Variants in KRT8 observed in about 807,000 individuals in gnomAD.
The protein encoded by KRT8 is keratin 8, also known as keratin, type II cytoskeletal 8.
In KRT8, 24 loss-of-function variants were observed where a neutral mutation model predicts 43.0. The ratio of observed to expected loss-of-function variants is 0.56; its 90% CI spans 0.40 to 0.78. The LOEUF (loss-of-function observed/expected upper bound fraction) is 0.78, where lower values mean the gene tolerates loss of function less well. Among genes scored for constraint, KRT8 ranks in the 30% least tolerant of loss-of-function variants. KRT8 has a pLI of 0.00. For missense variants in KRT8, 492 were observed against 638.4 expected, an observed-to-expected ratio of 0.77 and a Z score of 2.47; for synonymous variants, 214 against 261.2, an observed-to-expected ratio of 0.82 and a Z score of 1.74.
exon 2 of KRT8, chr12:52,902,045 T>A (rs1044439462): frequency 1.0e-5 from 16 of 1,602,618 alleles, no homozygotes; most frequent in Non-Finnish European, 1.4e-5. Context: ...GTCTCCAGCA[T>A]CTTGTTCTGC....
At chr12:52,900,752 G>T (rs918682056) in intron 3 of KRT8, 69 bp from the exon 4 acceptor site, 15 of 1,083,190 alleles carry the variant, frequency 1.4e-5, no homozygotes, top group Admixed American at 3.4e-5. Context: ...GGCTCCCAAG[G>T]TCCACCCAAT....
chr12:52,904,815 C>T (rs1260986065), exon 1 of KRT8: 1 of 1,612,392 alleles, frequency 6.2e-7, no homozygotes, highest in Non-Finnish European at 8.5e-7. Context: ...GCCGCTGGCC[C>T]CACCATAGCC....
At chr12:52,939,529 T>G (rs190876832) in intron 2 of KRT8, among the ~76,000 whole-genome samples, 6 of 151,310 alleles carry the variant, frequency 4.0e-5, no homozygotes, top group African/African-American at 7.3e-5. Flanking sequence ...GAGACCGGCC[T>G]GGCCAACACG....
chr12:52,906,584 G>T, upstream of KRT8: 1 of 417,752 alleles, frequency 2.4e-6, no homozygotes, highest in Admixed American at 2.5e-5. Flanking sequence ...GGCCAGGCAG[G>T]GCATGCTGTG....
chr12:52,904,826 G>A (rs773694112), exon 1 of KRT8: 1 of 1,612,418 alleles, frequency 6.2e-7, no homozygotes, highest in South Asian at 1.1e-5. Flanking sequence ...CACCATAGCC[G>A]CCGCCCAGGC....
chr12:52,899,930 C>T, exon 5 of KRT8: 1 of 1,613,298 alleles, frequency 6.2e-7, no homozygotes, highest in Non-Finnish European at 8.5e-7. Flanking sequence ...TCAGCCTCAG[C>T]CCGGCTGCGG....
chr12:52,921,368 C>A lies in KRT8; in HGVS notation c.-46-16341G>T, dbSNP rs545864385. ...GGAAAGCCTCTCTGAGGGAGAGGAC[C>A]AGTACTTCTTGCTCACAATTGTCCA... On this transcript the variant is annotated intron_variant, in intron 2 of 6. Transcript: ENST00000546826. Among the ~76,000 whole-genome samples the A allele has an allele frequency of 4.5e-4, 69 of 152,268 alleles. No homozygotes were observed. In the South Asian group the frequency reaches 9.7e-3, roughly 22 times the overall value.
intron 2 of KRT8, chr12:52,948,905 G>A: frequency 2.3e-6 from 1 of 436,472 alleles, no homozygotes; most frequent in Non-Finnish European, 3.9e-6. Flanking sequence ...TGCTGTCCGT[G>A]TCCATGCCCG....
At chr12:52,944,468 C>T (rs1162715603) in intron 2 of KRT8, among the ~76,000 whole-genome samples, 3 of 152,138 alleles carry the variant, frequency 2.0e-5, no homozygotes, top group African/African-American at 4.8e-5. Flanking sequence ...TTGAGTGAGG[C>T]GATAGGCTGG....
At chr12:52,914,063 TAATATAAA>T (rs1242609151) in intron 2 of KRT8, among the ~76,000 whole-genome samples, 1 of 148,308 alleles carries the variant, frequency 6.7e-6, no homozygotes, top group East Asian at 2.0e-4. Context: ...TCTCTACTAA[TAATATAAA>T]AATTAGCTGG....
rs542314155 is a variant in KRT8 at position 52,933,240 on chromosome 12, C to T, written c.-47+16216G>A. On this transcript the variant is annotated intron_variant, in intron 2 of 6. Coordinates refer to the KRT8 transcript ENST00000546826. ...GGATTACAGGTGTAAGCCACCATGC[C>T]GGCCTCACAAAATTACGTTTCTATA... Among the ~76,000 whole-genome samples, 200 of 152,262 alleles carry T rather than the reference C, an allele frequency of 1.3e-3. 1 individual carries two copies. The highest frequency in any genetic ancestry group is 2.4e-3 in the Non-Finnish European group (162 of 68,022).
chr12:52,942,030 C>T (rs1942276417), intron 2 of KRT8, among the ~76,000 whole-genome samples: 1 of 152,140 alleles, frequency 6.6e-6, no homozygotes, highest in Non-Finnish European at 1.5e-5. Flanking sequence ...ACCAATCACA[C>T]TGTATTTTGT....
chr12:52,938,656 C>T (rs1015000745), intron 2 of KRT8, among the ~76,000 whole-genome samples: 11 of 151,152 alleles, frequency 7.3e-5, no homozygotes, highest in South Asian at 2.1e-4. Flanking sequence ...CTCGCTCTGT[C>T]GCCGAGGCTG....
chr12:52,905,197 G>C (rs1941487382), upstream of KRT8: 2 of 824,292 alleles, frequency 2.4e-6, no homozygotes, highest in Non-Finnish European at 3.6e-6. Flanking sequence ...GCAGGACTCA[G>C]GTGGGGGCAG....
chr12:52,918,188 A>AAGAAGAAGAAGAAGAAGG (rs1565725600), intron 2 of KRT8, among the ~76,000 whole-genome samples: 7 of 118,190 alleles, frequency 5.9e-5, no homozygotes, highest in African/African-American at 2.1e-4. Flanking sequence ...GAGGAAGAAG[A>AAGAAGAAGAAGAAGAAGG]AGAAGAAGAA....
chr12:52,944,863 G>T (rs1170322716), intron 2 of KRT8, among the ~76,000 whole-genome samples: 1 of 152,114 alleles, frequency 6.6e-6, no homozygotes, highest in Non-Finnish European at 1.5e-5. Context: ...CTCCAAATAG[G>T]GTGCTGAAAT....
chr12:52,941,778 G>A (rs149175586), intron 2 of KRT8, among the ~76,000 whole-genome samples: 13,188 of 151,904 alleles, frequency 0.087, 1,855 homozygotes, highest in African/African-American at 0.3. Flanking sequence ...GTGAGCCACC[G>A]TGCCTGGCTT....
chr12:52,897,551 A>C, exon 8 of KRT8: 1 of 1,597,422 alleles, frequency 6.3e-7, no homozygotes, highest in African/African-American at 1.3e-5. Flanking sequence ...CGCCAGAGCC[A>C]AAGCTGGAGC....
rs546250713 is a variant in KRT8, at chr12:52,913,856, G to A, written c.-46-8829C>T. 6.2e-4 allele frequency among the ~76,000 whole-genome samples: 94 copies of A among 152,282 alleles called. 2 individuals carry two copies. In the South Asian group the frequency reaches 0.019, roughly 31 times the overall value. Reference sequence around the variant, plus strand: ...AACACACATCCAAACTCAAATACACGGTTACAGGTTTGTTTGTTTTTTCTT... The same window carrying A: ...AACACACATCCAAACTCAAATACACAGTTACAGGTTTGTTTGTTTTTTCTT... On this transcript the variant is annotated intron_variant, in intron 2 of 6. Coordinates refer to the KRT8 transcript ENST00000546826.
Sources: gnomAD v4.1 joint callset for allele counts (sites outside exome capture counted in the v4.1 genomes callset) on GRCh38, gnomAD v4.1.1 for gene constraint, MANE v1.5 for transcripts, NCBI Gene and HGNC (gene_info 2026-07-23, HGNC 2026-07-21) for gene names.